The following IL7R variants were observed in gnomAD, a reference collection of about 807,000 sequenced individuals.
IL7R encodes the protein interleukin-7 receptor subunit alpha.
A neutral mutation model predicts 47.0 loss-of-function variants in IL7R; 38 were observed. That is an observed-to-expected ratio of 0.81 (90% CI 0.62 to 1.06). The LOEUF (loss-of-function observed/expected upper bound fraction) is 1.06, where lower values mean the gene tolerates loss of function less well. Among genes scored for constraint, IL7R ranks in the 50% least tolerant of loss-of-function variants. IL7R has a pLI of 0.00. For synonymous variants in IL7R, 221 were observed against 199.8 expected, an observed-to-expected ratio of 1.11 and a Z score of -0.89; for missense variants, 633 against 534.8, an observed-to-expected ratio of 1.18 and a Z score of -1.81.
intron 2 of IL7R, among the ~76,000 whole-genome samples, chr5:35,865,816 A>G (rs1759924991): frequency 6.6e-6 from 1 of 152,172 alleles, no homozygotes; most frequent in Non-Finnish European, 1.5e-5. Context: ...ACACTTCTCA[A>G]AAGAAGACAT....
chr5:35,861,176 C>T (rs201121912), intron 2 of IL7R, among the ~76,000 whole-genome samples, 186 bp downstream of exon 2: 3 of 152,182 alleles, frequency 2.0e-5, no homozygotes, highest in African/African-American at 7.2e-5. Flanking sequence ...TCTCCTCTCA[C>T]GGTTCAGCTT....
intron 2 of IL7R, among the ~76,000 whole-genome samples, chr5:35,866,223 A>G (rs1759935570): frequency 6.6e-6 from 1 of 152,136 alleles, no homozygotes; most frequent in African/African-American, 2.4e-5. Context: ...AATTATATTG[A>G]TTAATTTTTG....
intron 3 of IL7R, among the ~76,000 whole-genome samples, chr5:35,868,722 G>T (rs1759998975): frequency 6.6e-6 from 1 of 152,128 alleles, no homozygotes. Context: ...GAAGGCAGAG[G>T]TTCTCAGTCT....
rs1036113422 is a variant in IL7R, at chr5:35,878,420, G to T, written c.*1934G>T. On this transcript the variant is annotated 3_prime_UTR_variant, in exon 8 of 8. Coordinates refer to ENST00000303115, the MANE Select transcript of IL7R (RefSeq NM_002185.5). ...ATTGCAAAACCTAATGAAAGTGACT[G>T]CTTGGTAAACAAATTATTATTATAT... 10 of 232,908 alleles carry T rather than the reference G, an allele frequency of 4.3e-5. No homozygotes were observed. The highest frequency in any genetic ancestry group is 1.8e-4 in the African/African-American group (8 of 45,316). The allele number at this position is 232,908 out of a possible 1,614,324, so 14.4% of individuals were successfully genotyped here.
At chr5:35,875,345 C>G (rs183881550) in intron 6 of IL7R, 167 bp from the exon 7 acceptor site, 2 of 684,086 alleles carry the variant, frequency 2.9e-6, no homozygotes, top group African/African-American at 3.5e-5. Flanking sequence ...GATAGGGCCC[C>G]GAGGCCCAGA....
intron 3 of IL7R, among the ~76,000 whole-genome samples, chr5:35,868,799 C>A (rs149333430): frequency 1.8e-4 from 28 of 152,276 alleles, no homozygotes; most frequent in African/African-American, 6.5e-4. Flanking sequence ...GCATGCAAGC[C>A]CTTACATGCA....
chr5:35,870,286 A>G (rs529754181), intron 3 of IL7R, among the ~76,000 whole-genome samples: 1 of 152,336 alleles, frequency 6.6e-6, no homozygotes, highest in East Asian at 1.9e-4. Context: ...TTTGATACTA[A>G]CAGCAACCCT....
At chr5:35,875,887 C>T in intron 7 of IL7R, 96 bp from the exon 8 acceptor site, 1 of 1,331,212 alleles carries the variant, frequency 7.5e-7, no homozygotes, top group East Asian at 2.3e-5. Context: ...GTGACATTCC[C>T]TGTCAGAAAA....
At chr5:35,868,127 G>A (rs1017864890) in intron 3 of IL7R, among the ~76,000 whole-genome samples, 9 of 152,158 alleles carry the variant, frequency 5.9e-5, no homozygotes, top group African/African-American at 2.2e-4. Flanking sequence ...GTACTCTTGA[G>A]ACAGACTTGC....
chr5:35,860,779 T>TGCA, intron 1 of IL7R, 73 bp from the exon 2 acceptor site: 1 of 1,429,980 alleles, frequency 7.0e-7, no homozygotes, highest in Non-Finnish European at 9.9e-7. Flanking sequence ...TGCTATTTTA[T>TGCA]TAAGGTCATG....
chr5:35,878,192 T>C lies in IL7R; in HGVS notation c.*1706T>C, dbSNP rs777574544. 3.9e-5 allele frequency: 9 copies of C among 233,170 alleles called. No individual in the cohort carries two copies. The highest frequency in any genetic ancestry group is 7.6e-5 in the Non-Finnish European group (9 of 118,072). The allele number at this position is 233,170 out of a possible 1,614,324, so 14.4% of individuals were successfully genotyped here. ...CAGGTGAATGTTTTACTTTCCAAAGTGCTCTCCTCTGCACCAGCAGTAATA... is the reference window on the plus strand; with the variant it reads ...CAGGTGAATGTTTTACTTTCCAAAGCGCTCTCCTCTGCACCAGCAGTAATA... On this transcript the variant is annotated 3_prime_UTR_variant, in exon 8 of 8. Transcript: ENST00000303115.
Position 35,876,667 on chromosome 5 carries a change from A to G in IL7R, c.*181A>G, listed in dbSNP as rs1760226055. ...CTTCCTGAGTTCAGTGGCACTCAACATGAGTCAAGAGCATCCTGCTTCTAC... is the reference window on the plus strand; with the variant it reads ...CTTCCTGAGTTCAGTGGCACTCAACGTGAGTCAAGAGCATCCTGCTTCTAC... On this transcript the variant is annotated 3_prime_UTR_variant, in exon 8 of 8. Transcript: ENST00000303115. 5.9e-6 allele frequency: 4 copies of G among 675,154 alleles called. No individual in the cohort carries two copies. The highest frequency in any genetic ancestry group is 2.7e-5 in the East Asian group (1 of 36,758). 41.8% of individuals were successfully genotyped at this position (675,154 alleles called of 1,614,324 possible).
rs5867289 is a variant in IL7R, at chr5:35,857,206, T to TC, written c.82+147_82+148insC. ...CATATTCAGTCATTTTTTTTAATGT[T>TC]TAACCACCATGACAGGGGGCAGGGG... On this transcript the variant is annotated intron_variant, in intron 1 of 7. Coordinates refer to ENST00000303115, the MANE Select transcript of IL7R (RefSeq NM_002185.5). 528,208 of 704,968 alleles carry TC rather than the reference T, an allele frequency of 0.75. 202,520 individuals are homozygous for TC. The highest frequency in any genetic ancestry group is 0.89 in the African/African-American group (50,734 of 56,724). 43.7% of individuals were successfully genotyped at this position (704,968 alleles called of 1,614,324 possible). A position where few individuals can be genotyped will look rare whatever the true frequency, so the allele number is the denominator to read the frequency against.
intron 3 of IL7R, 104 bp downstream of exon 3, chr5:35,867,567 T>A (rs1259524849): frequency 1.2e-6 from 1 of 867,900 alleles, no homozygotes; most frequent in Non-Finnish European, 1.9e-6. Context: ...TGGAAACAAC[T>A]GGCAATAGAT....
chr5:35,875,557 T>C lies in IL7R; in HGVS notation c.846T>C (p.Thr282=). ...CCAGTCTCCCCGATCATAAGAAGAC[T>C]CTGGAACATCTTTGTAAGAAACCAA... ...VWPSLPDHKK[T]LEHLCKKPRK... is the part of the protein sequence containing the mutation. The change falls in exon 7 of 8, where the codon ACT becomes ACC. Residue 282 remains threonine (T), a synonymous_variant. Transcript: ENST00000303115. 1 of 1,613,680 alleles carries C rather than the reference T, an allele frequency of 6.2e-7. No individual in the cohort carries two copies. The highest frequency in any genetic ancestry group is 8.5e-7 in the Non-Finnish European group (1 of 1,179,570).
At chr5:35,862,781 G>GTGTGT (rs1243122767) in intron 2 of IL7R, among the ~76,000 whole-genome samples, 10 of 152,094 alleles carry the variant, frequency 6.6e-5, no homozygotes, top group Admixed American at 4.6e-4. Context: ...GCCTGTAATT[G>GTGTGT]GATATTTCAC....
At chr5:35,871,821 G>C (rs565735464) in intron 4 of IL7R, among the ~76,000 whole-genome samples, 35 of 152,288 alleles carry the variant, frequency 2.3e-4, no homozygotes, top group East Asian at 3.9e-4. Context: ...TGGCAGAAGA[G>C]TGGAGTGTAC....
chr5:35,878,592 G>A lies in IL7R; in HGVS notation c.*2106G>A. The stretch of plus-strand genomic sequence containing the variant: ...AGACATTTTTCATCAGTGGGCAGGT[G>A]TTCTTTACCTTTTGTAGAAATGGGA... On this transcript the variant is annotated 3_prime_UTR_variant, in exon 8 of 8. Transcript: ENST00000303115. 1 of 232,980 alleles carries A rather than the reference G, an allele frequency of 4.3e-6. No individual in the cohort carries two copies. Among genetic ancestry groups the A allele is most frequent in the Non-Finnish European group, 8.5e-6 (1 of 117,868 alleles). 14.4% of individuals were successfully genotyped at this position (232,980 alleles called of 1,614,324 possible).
chr5:35,858,808 G>A (rs1759726678), intron 1 of IL7R, among the ~76,000 whole-genome samples: 1 of 152,068 alleles, frequency 6.6e-6, no homozygotes, highest in Non-Finnish European at 1.5e-5. Flanking sequence ...TATCCATTCA[G>A]TGATTGCTCA....
Sources: gnomAD v4.1 joint callset for allele counts (sites outside exome capture counted in the v4.1 genomes callset) on GRCh38, gnomAD v4.1.1 for gene constraint, MANE v1.5 for transcripts, NCBI Gene and HGNC (gene_info 2026-07-23, HGNC 2026-07-21) for gene names.